The following CDC5L variants were observed in gnomAD, a reference collection of about 807,000 sequenced individuals.
CDC5L encodes the protein cell division cycle 5-like protein.
CDC5L carries 18 observed loss-of-function variants against 104.1 expected under a neutral mutation model. The observed-to-expected ratio is 0.17, with a 90% CI of 0.12 to 0.26. CDC5L has a LOEUF of 0.26. Ranked by LOEUF, CDC5L falls within the 10% of genes least tolerant of loss-of-function variation. The probability of loss-of-function intolerance (pLI) is 1.00; values close to 1 mark genes in which losing one functional copy is unlikely to be tolerated. For missense variants in CDC5L, 673 were observed against 956.9 expected (o/e 0.70, Z 3.91); for synonymous variants, 331 against 322.7 (o/e 1.03, Z -0.28).
chr6:44,427,894 G>C (rs145480749), intron 13 of CDC5L, among the ~76,000 whole-genome samples: 2 of 152,292 alleles, frequency 1.3e-5, no homozygotes, highest in Non-Finnish European at 2.9e-5. Context: ...TCACATTGTT[G>C]CTTTTGGAGA....
At chr6:44,420,605 G>A (rs533687152) in intron 9 of CDC5L, among the ~76,000 whole-genome samples, 47 of 152,156 alleles carry the variant, frequency 3.1e-4, no homozygotes, top group Admixed American at 1.2e-3. Context: ...TAATCCACCC[G>A]CCTTGGCCTC....
At chr6:44,388,386 A>G (rs1040552174) in intron 1 of CDC5L, among the ~76,000 whole-genome samples, 19 of 151,966 alleles carry the variant, frequency 1.3e-4, no homozygotes, top group African/African-American at 4.6e-4. Flanking sequence ...GTTATCTGTT[A>G]TCAGGGCATA....
rs192690121 is a variant in CDC5L, at chr6:44,396,351, G to A, written c.450G>A (p.Glu150=). 23 of 1,606,104 alleles carry A rather than the reference G, an allele frequency of 1.4e-5. No homozygotes were observed. The Admixed American group carries it at 2.6e-4, about 18-fold the overall frequency. ...TTTTAATTTTTGCAGATGAACTTGA[G>A]ATGCTTTCTGAAGCCAGAGCCCGCT... ...DPIDMDEDEL[E]MLSEARARLA... is the part of the protein sequence containing the mutation. Residue 150 remains glutamate, a synonymous_variant, in exon 5 of 16, where the codon GAG becomes GAA. Coordinates refer to ENST00000371477, the MANE Select transcript of CDC5L (RefSeq NM_001253.4).
chr6:44,388,016 G>A (rs1790413604), intron 1 of CDC5L, 148 bp downstream of exon 1: 1 of 681,660 alleles, frequency 1.5e-6, no homozygotes, highest in African/African-American at 1.8e-5. Context: ...CCCTTTCCGT[G>A]TGTCTGGCCC....
rs189306564 is a variant in CDC5L, at chr6:44,424,340, T to C, written c.1405-79T>C. On this transcript the variant is annotated intron_variant, in intron 10 of 15. Transcript: ENST00000371477. ...TGACTAGAGTCACCCTGTTGTGCTATCAATTTTTAAGAGACTCATAAAATA... is the reference window on the plus strand; with the variant it reads ...TGACTAGAGTCACCCTGTTGTGCTACCAATTTTTAAGAGACTCATAAAATA... 59 of 1,262,460 alleles carry C rather than the reference T, an allele frequency of 4.7e-5. No homozygotes were observed. In the East Asian group the frequency reaches 1.3e-3, roughly 28 times the overall value. The allele number at this position is 1,262,460 out of a possible 1,614,324, so 78.2% of individuals were successfully genotyped here.
At position 44,419,570 on chromosome 6, in the gene CDC5L, C is replaced by T. The variant is rs1792065589; in HGVS notation, c.1214C>T (p.Pro405Leu). ...CCACAGCGACAAGTTGTACAGACTC[C>T]AAACACAGTTCTCTCTACTCCATTC... ...VTPQRQVVQT[P>L]NTVLSTPFRT... The change falls in exon 9 of 16, where the codon CCA (proline) becomes CTA (leucine). Residue 405 changes from proline (P) to leucine (L), a missense_variant. Coordinates refer to ENST00000371477, the MANE Select transcript of CDC5L (RefSeq NM_001253.4). 1 of 1,613,550 alleles carries T rather than the reference C, an allele frequency of 6.2e-7. No individual in the cohort carries two copies. Among genetic ancestry groups the T allele is most frequent in the Admixed American group, 1.7e-5 (1 of 60,008 alleles).
At chr6:44,420,800 A>G (rs1792135238) in intron 9 of CDC5L, among the ~76,000 whole-genome samples, 2 of 152,334 alleles carry the variant, frequency 1.3e-5, no homozygotes, top group South Asian at 2.1e-4. Flanking sequence ...TCCCATATCT[A>G]AAACTCTTCT....
intron 6 of CDC5L, among the ~76,000 whole-genome samples, chr6:44,405,835 A>G (rs1055377826): frequency 2.0e-5 from 3 of 151,772 alleles, no homozygotes; most frequent in African/African-American, 7.3e-5. Context: ...GTTTGCTTTT[A>G]TCTTGAATAT....
intron 13 of CDC5L, 120 bp from the exon 14 acceptor site, chr6:44,429,593 C>A (rs540636657): frequency 6.2e-6 from 5 of 806,152 alleles, no homozygotes; most frequent in Non-Finnish European, 9.9e-6. Flanking sequence ...TTCCAAAAAA[C>A]AACCAACCAC....
intron 2 of CDC5L, among the ~76,000 whole-genome samples, 155 bp from the exon 3 acceptor site, chr6:44,392,512 C>T (rs1254163648): frequency 6.6e-6 from 1 of 152,152 alleles, no homozygotes; most frequent in Non-Finnish European, 1.5e-5. Context: ...GGAATATTGA[C>T]TGGGGTAAGT....
At chr6:44,414,509 A>T (rs567325690) in intron 8 of CDC5L, among the ~76,000 whole-genome samples, 25 of 142,284 alleles carry the variant, frequency 1.8e-4, no homozygotes, top group South Asian at 6.7e-4. Context: ...TAATTTAAAA[A>T]TTTTTTTTGT....
chr6:44,410,635 C>T (rs576887113), intron 8 of CDC5L, among the ~76,000 whole-genome samples: 1 of 152,288 alleles, frequency 6.6e-6, no homozygotes, highest in Admixed American at 6.5e-5. Flanking sequence ...TCCACTGTTG[C>T]TCTTGAGACC....
intron 5 of CDC5L, among the ~76,000 whole-genome samples, chr6:44,403,387 A>G (rs1371924621): frequency 6.6e-6 from 1 of 151,812 alleles, no homozygotes; most frequent in African/African-American, 2.4e-5. Context: ...TACTAGTTGC[A>G]AATATTTTTT....
chr6:44,448,443 T>C lies in CDC5L; in HGVS notation c.*1732T>C, dbSNP rs1793531198. ...GTGTAAAATCTCACCAGGCTGGAGATAGGGAAGCCAGTCCAATTAGGAGCC... is the reference window on the plus strand; with the variant it reads ...GTGTAAAATCTCACCAGGCTGGAGACAGGGAAGCCAGTCCAATTAGGAGCC... On this transcript the variant is annotated 3_prime_UTR_variant, in exon 16 of 16. Transcript: ENST00000371477. 3 of 152,138 alleles carry C rather than the reference T, an allele frequency of 2.0e-5. No homozygotes were observed. The highest frequency in any genetic ancestry group is 7.2e-5 in the African/African-American group (3 of 41,436). 9.4% of individuals were successfully genotyped at this position (152,138 alleles called of 1,614,324 possible).
intron 13 of CDC5L, among the ~76,000 whole-genome samples, chr6:44,428,477 T>C (rs1361036574): frequency 6.6e-6 from 1 of 152,158 alleles, no homozygotes; most frequent in Non-Finnish European, 1.5e-5. Flanking sequence ...TTCATATGCT[T>C]ATGGAATTCT....
intron 15 of CDC5L, among the ~76,000 whole-genome samples, chr6:44,446,094 C>A (rs1561982566): frequency 1.3e-5 from 2 of 152,156 alleles, no homozygotes. Flanking sequence ...TTTTCTGTTT[C>A]CAATATGTAG....
intron 14 of CDC5L, among the ~76,000 whole-genome samples, chr6:44,436,906 C>T (rs1464871194): frequency 6.6e-6 from 1 of 152,138 alleles, no homozygotes; most frequent in Non-Finnish European, 1.5e-5. Context: ...AAGTGTCGGT[C>T]TACTTTAAAT....
rs1485359729 is a variant in CDC5L, at chr6:44,426,981, C to T, written c.1893+257C>T. Among the ~76,000 whole-genome samples, 7 of 152,096 alleles carry T rather than the reference C, an allele frequency of 4.6e-5. No homozygotes were observed. The South Asian group carries it at 6.2e-4, about 14-fold the overall frequency. On this transcript the variant is annotated intron_variant, in intron 13 of 15. Transcript: ENST00000371477. ...TTTGGTTCATGGGTATTAATGGCTTCGTTGACAGTTGTTACAGTTGCCGTT... is the reference window on the plus strand; with the variant it reads ...TTTGGTTCATGGGTATTAATGGCTTTGTTGACAGTTGTTACAGTTGCCGTT...
chr6:44,422,499 T>A lies in CDC5L; in HGVS notation c.1242-148T>A, dbSNP rs530450874. ...CCAAACATTGATTTTAACCTAGAGA[T>A]CCTAACAAAACCAGCTGGACAGAAT... On this transcript the variant is annotated intron_variant, in intron 9 of 15. Coordinates refer to ENST00000371477, the MANE Select transcript of CDC5L (RefSeq NM_001253.4). 3.7e-4 allele frequency: 214 copies of A among 571,794 alleles called. 2 individuals carry two copies. The East Asian group carries it at 6.0e-3, about 16-fold the overall frequency. The allele number at this position is 571,794 out of a possible 1,614,324, so 35.4% of individuals were successfully genotyped here.
Sources: allele counts gnomAD v4.1 joint callset (sites outside exome capture counted in the v4.1 genomes callset), GRCh38; gene constraint gnomAD v4.1.1; transcripts MANE v1.5; gene names NCBI Gene and HGNC (gene_info 2026-07-23, HGNC 2026-07-21).